LINGO2: variants seen among roughly 807,000 people sequenced by gnomAD.
LINGO2 encodes the protein leucine-rich repeat and immunoglobulin-like domain-containing nogo receptor-interacting protein 2.
In LINGO2, 14 loss-of-function variants were observed where a neutral mutation model predicts 30.6. That is an observed-to-expected ratio of 0.46 (90% CI 0.30 to 0.72). The LOEUF is 0.72. LINGO2 is among the 30% of genes least tolerant of loss of function. The pLI is 0.07. For missense variants in LINGO2, 729 were observed against 751.7 expected (o/e 0.97, Z 0.35); for synonymous variants, 317 against 288.5 (o/e 1.10, Z -1.00).
At chr9:28,295,557 T>G (rs1448416839) in intron 3 of LINGO2, among the ~76,000 whole-genome samples, 191 bp from the exon 6 acceptor site, 1 of 152,148 alleles carries the variant, frequency 6.6e-6, no homozygotes, top group Non-Finnish European at 1.5e-5. Context: ...AGGTGTTTTT[T>G]CCAAGTGCAT....
chr9:28,473,812 G>C (rs1014452602), intron 2 of LINGO2, among the ~76,000 whole-genome samples: 3 of 152,094 alleles, frequency 2.0e-5, no homozygotes, highest in Non-Finnish European at 2.9e-5. Context: ...TAGGTTGACT[G>C]AAAGTGTCAG....
intron 1 of LINGO2, among the ~76,000 whole-genome samples, chr9:28,543,464 A>G (rs2135471139): frequency 6.6e-6 from 1 of 152,210 alleles, no homozygotes; most frequent in East Asian, 1.9e-4. Flanking sequence ...AGTTTGACAC[A>G]TTTATGTAGA....
the LINGO2 span, among the ~76,000 whole-genome samples, chr9:28,883,181 T>C: frequency 6.6e-6 from 1 of 152,114 alleles, no homozygotes; most frequent in Non-Finnish European, 1.5e-5. Context: ...TCAGTCTTCT[T>C]TAATTTATTT....
At chr9:27,948,769 C>G in exon 6 of LINGO2, 1 of 1,480,246 alleles carries the variant, frequency 6.8e-7, no homozygotes, top group Non-Finnish European at 9.1e-7. Flanking sequence ...ATGGCTGCCT[C>G]TTAATCTAGT....
chr9:28,898,133 T>C, the LINGO2 span, among the ~76,000 whole-genome samples: 2 of 152,172 alleles, frequency 1.3e-5, no homozygotes, highest in East Asian at 1.9e-4. Context: ...GTGACTAATA[T>C]TTAAAATTAC....
At chr9:28,665,352 A>G (rs1224232416) in intron 1 of LINGO2, among the ~76,000 whole-genome samples, 2 of 152,132 alleles carry the variant, frequency 1.3e-5, no homozygotes, top group African/African-American at 4.8e-5. Flanking sequence ...TTATGTTTAC[A>G]TGCCAAATAT....
At chr9:28,278,581 A>T (rs1402096298) in intron 4 of LINGO2, among the ~76,000 whole-genome samples, 1 of 152,208 alleles carries the variant, frequency 6.6e-6, no homozygotes, top group African/African-American at 2.4e-5. Context: ...AGCCTGGATG[A>T]CAGCATATCT....
the LINGO2 span, among the ~76,000 whole-genome samples, chr9:28,999,596 T>A: frequency 6.6e-6 from 1 of 152,038 alleles, no homozygotes; most frequent in Non-Finnish European, 1.5e-5. Flanking sequence ...CTTCAAACTT[T>A]GTCATTTCTA....
chr9:28,037,638 T>C (rs1302396376), intron 4 of LINGO2, among the ~76,000 whole-genome samples: 1 of 152,240 alleles, frequency 6.6e-6, no homozygotes, highest in Non-Finnish European at 1.5e-5. Flanking sequence ...GAAGAAACAG[T>C]GTCTTGTTCA....
intron 3 of LINGO2, among the ~76,000 whole-genome samples, chr9:28,299,079 T>C (rs10968469): frequency 0.072 from 11,000 of 152,182 alleles, 720 homozygotes; most frequent in East Asian, 0.38. Context: ...TTATAGGCTA[T>C]TGATTTGCAC....
the LINGO2 span, among the ~76,000 whole-genome samples, chr9:28,915,846 G>T: frequency 1.3e-5 from 2 of 152,116 alleles, no homozygotes; most frequent in African/African-American, 4.8e-5. Flanking sequence ...GTATAAGCAT[G>T]GTAATCACAT....
chr9:28,046,376 C>A (rs1263126281), intron 4 of LINGO2, among the ~76,000 whole-genome samples: 1 of 152,118 alleles, frequency 6.6e-6, no homozygotes, highest in Admixed American at 6.5e-5. Context: ...GTGGACCCCA[C>A]CCTCACTTTC....
At chr9:28,309,907 G>A (rs945037747) in intron 3 of LINGO2, among the ~76,000 whole-genome samples, 1 of 151,984 alleles carries the variant, frequency 6.6e-6, no homozygotes, top group African/African-American at 2.4e-5. Flanking sequence ...CACATGAAAT[G>A]ATGCTCAATG....
intron 5 of LINGO2, among the ~76,000 whole-genome samples, chr9:27,971,581 G>A (rs1820359499): frequency 6.6e-6 from 1 of 151,994 alleles, no homozygotes; most frequent in African/African-American, 2.4e-5. Context: ...TAGAGAAGGG[G>A]TTTCACCATG....
intron 3 of LINGO2, among the ~76,000 whole-genome samples, chr9:28,300,435 G>A (rs909993208): frequency 2.6e-5 from 4 of 152,104 alleles, no homozygotes; most frequent in African/African-American, 4.8e-5. Context: ...TTTTGTCTTC[G>A]CTCAAAGATG....
At chr9:27,968,067 G>C (rs1820184097) in intron 5 of LINGO2, among the ~76,000 whole-genome samples, 1 of 151,956 alleles carries the variant, frequency 6.6e-6, no homozygotes, top group Admixed American at 6.6e-5. Flanking sequence ...TATCAAAGTA[G>C]GAAGTATATT....
the LINGO2 span, among the ~76,000 whole-genome samples, chr9:28,735,839 A>T: frequency 6.6e-6 from 1 of 152,204 alleles, no homozygotes; most frequent in Admixed American, 6.5e-5. Flanking sequence ...AAGGAGAAAT[A>T]TAATCAAGTA....
At chr9:29,028,716 T>C in the LINGO2 span, among the ~76,000 whole-genome samples, 3 of 152,076 alleles carry the variant, frequency 2.0e-5, no homozygotes. Flanking sequence ...CCAATTTAGC[T>C]TGCTAGATGA....
the LINGO2 span, among the ~76,000 whole-genome samples, chr9:28,714,164 A>AATCT: frequency 2.6e-5 from 3 of 117,156 alleles, no homozygotes; most frequent in African/African-American, 1.0e-4. Flanking sequence ...TGCCTCAAAT[A>AATCT]ATATATATAT....
Sources: allele counts gnomAD v4.1 joint callset (sites outside exome capture counted in the v4.1 genomes callset), GRCh38; gene constraint gnomAD v4.1.1; transcripts MANE v1.5; gene names NCBI Gene and HGNC (gene_info 2026-07-23, HGNC 2026-07-21).